The following AHNAK variants were observed in gnomAD, a reference collection of about 807,000 sequenced individuals.
AHNAK encodes the protein neuroblast differentiation-associated protein AHNAK.
AHNAK carries 23 observed loss-of-function variants against 37.8 expected under a neutral mutation model. The ratio of observed to expected loss-of-function variants is 0.61; its 90% confidence interval spans 0.44 to 0.86. AHNAK has a LOEUF of 0.86. Among genes scored for constraint, AHNAK ranks in the 40% least tolerant of loss-of-function variants. AHNAK has a pLI of 0.00. For synonymous variants in AHNAK, 2,481 were observed against 2,636.3 expected (o/e 0.94, Z 1.80); for missense variants, 7,411 against 7,319.4 (o/e 1.01, Z -0.46).
At position 62,491,802 on chromosome 11, in the gene AHNAK, G is replaced by T; in HGVS notation, c.372C>A (p.Cys124Ter). The change falls in exon 5 of 6, where the codon TGC becomes TGA. Residue 124 changes from cysteine to a stop codon, truncating the protein, a stop_gained. Transcript: ENST00000257247. LOFTEE classifies it high-confidence loss of function. ...CTTCCTTCTGTTTGTTCTGGTCTTT[G>T]CATTCCAGTGCTGATGGCTGTGGTG... is the stretch of plus-strand genomic sequence containing the variant. 1 of 1,612,750 alleles carries T rather than the reference G, an allele frequency of 6.2e-7. No individual in the cohort carries two copies. Among genetic ancestry groups the T allele is most frequent in the African/African-American group, 1.3e-5 (1 of 75,008 alleles).
At position 62,530,180 on chromosome 11, in the gene AHNAK, C is replaced by T. The variant is rs1230133479; in HGVS notation, c.4237G>A (p.Val1413Ile). 1.9e-6 allele frequency: 3 copies of T among 1,613,714 alleles called. No individual in the cohort carries two copies. The Admixed American group carries it at 5.0e-5, about 27-fold the overall frequency. Residue 1413 changes from valine (V) to isoleucine (I), a missense_variant, in exon 5 of 5, where the codon GTC becomes ATC. Physicochemically the swap from Val to Ile is conservative, Grantham distance 29. Coordinates refer to ENST00000378024, the MANE Select transcript of AHNAK (RefSeq NM_001620.3). ...TCAGCATCCATTTTGGGTCCTGAGA[C>T]ATCAACGTCAGCTTTGGGCAGCTTC... ...DVKLPKADVD[V>I]SGPKMDAEVP...
rs756302291 is a variant in AHNAK at position 62,519,472 on chromosome 11, A to G, written c.14945T>C (p.Phe4982Ser). 1.2e-6 allele frequency: 2 copies of G among 1,612,832 alleles called. No homozygotes were observed. The change falls in exon 5 of 5, where the codon TTT (phenylalanine) becomes TCT (serine). Residue 4982 changes from phenylalanine (F) to serine (S), a missense_variant. Coordinates refer to ENST00000378024, the MANE Select transcript of AHNAK (RefSeq NM_001620.3). ...GTCAGCTTTGGGGCTTTTTGCCCCAAATCCAAACTTGGGTTTCTTAAATTT... is the reference window on the plus strand; with the variant it reads ...GTCAGCTTTGGGGCTTTTTGCCCCAGATCCAAACTTGGGTTTCTTAAATTT... Reference protein sequence around the residue: ...IPKFKKPKFGFGAKSPKADIK... With the variant: ...IPKFKKPKFGSGAKSPKADIK...
At chr11:62,479,077 CAG>C (rs1939207804) in intron 5 of AHNAK, among the ~76,000 whole-genome samples, 2 of 152,042 alleles carry the variant, frequency 1.3e-5, no homozygotes, top group South Asian at 4.1e-4. Context: ...GTTAAGATGA[CAG>C]AGTCTGTCTA....
chr11:62,461,500 C>G (rs1394488785), intron 5 of AHNAK, among the ~76,000 whole-genome samples: 1 of 152,132 alleles, frequency 6.6e-6, no homozygotes, highest in Non-Finnish European at 1.5e-5. Context: ...ATCTAGAGAT[C>G]ATAAAACATT....
chr11:62,472,476 C>A (rs1419250061), intron 5 of AHNAK, among the ~76,000 whole-genome samples: 1 of 152,048 alleles, frequency 6.6e-6, no homozygotes, highest in East Asian at 1.9e-4. Flanking sequence ...CAGAAACCAC[C>A]CCAATCCCAA....
chr11:62,522,203 C>T lies in AHNAK; in HGVS notation c.12214G>A (p.Gly4072Arg). 1 of 1,613,372 alleles carries T rather than the reference C, an allele frequency of 6.2e-7. No homozygotes were observed. The highest frequency in any genetic ancestry group is 8.5e-7 in the Non-Finnish European group (1 of 1,179,904). ...KVKMPKFSMP[G>R]FKGEGPEVDV... ...ACTTCTGGGCCCTCTCCTTTAAATC[C>T]TGGCATGCTGAATTTGGGCATTTTC... The change falls in exon 5 of 5, where the codon GGA becomes AGA. Residue 4072 changes from glycine (G) to arginine (R), a missense_variant. Gly to Arg is a moderately radical substitution (Grantham distance 125). Coordinates refer to ENST00000378024, the MANE Select transcript of AHNAK (RefSeq NM_001620.3).
rs1424316524 is a variant in AHNAK at position 62,450,135 on chromosome 11, TTTTA to T, written c.443-16248_443-16245del. ...TATTTTATTTTATTATTTTATTTTA[TTTTA>T]TTTATTTTATTTATTTACTTTATTT... On this transcript the variant is annotated intron_variant, in intron 5 of 5. Transcript: ENST00000257247. Among the ~76,000 whole-genome samples the T allele has an allele frequency of 9.8e-4, 72 of 73,260 alleles. 1 individual carries two copies. The highest frequency in any genetic ancestry group is 1.6e-3 in the East Asian group (1 of 624). 48.1% of individuals were successfully genotyped at this position (73,260 alleles called of 152,430 possible).
At chr11:62,498,397 A>G (rs968905282) in intron 4 of AHNAK, among the ~76,000 whole-genome samples, 1 of 148,256 alleles carries the variant, frequency 6.7e-6, no homozygotes, top group Non-Finnish European at 1.5e-5. Flanking sequence ...TACTAAGATT[A>G]CACTAAATGT....
chr11:62,503,303 A>C (rs1939746919), intron 4 of AHNAK, among the ~76,000 whole-genome samples: 1 of 152,246 alleles, frequency 6.6e-6, no homozygotes, highest in Non-Finnish European at 1.5e-5. Context: ...AAACAACGAA[A>C]GTGGGCTGGG....
At chr11:62,440,085 C>T (rs1938270651) in intron 5 of AHNAK, among the ~76,000 whole-genome samples, 4 of 152,190 alleles carry the variant, frequency 2.6e-5, no homozygotes. Flanking sequence ...GGCCATCCTG[C>T]GTGTGGCCTG....
In AHNAK at chr11:62,533,917, C is replaced by T. The variant is rs776614142; in HGVS notation, c.500G>A (p.Arg167Gln). 14 of 1,614,034 alleles carry T rather than the reference C, an allele frequency of 8.7e-6. No homozygotes were observed. Among genetic ancestry groups the T allele is most frequent in the South Asian group, 2.2e-5 (2 of 91,086 alleles). The change falls in exon 5 of 5, where the codon CGG (arginine) becomes CAG (glutamine). Residue 167 changes from arginine (R) to glutamine (Q), a missense_variant. Coordinates refer to ENST00000378024, the MANE Select transcript of AHNAK (RefSeq NM_001620.3). ...GATGTCTATGTCCTTGGCTCCTTCCCGGCCAGTCACATCCACAGTGTAGGC... is the reference window on the plus strand; with the variant it reads ...GATGTCTATGTCCTTGGCTCCTTCCTGGCCAGTCACATCCACAGTGTAGGC... ...VTAYTVDVTG[R>Q]EGAKDIDISS...
chr11:62,436,412 T>C (rs928747596), intron 5 of AHNAK, among the ~76,000 whole-genome samples: 5 of 152,070 alleles, frequency 3.3e-5, no homozygotes, highest in Non-Finnish European at 7.4e-5. Context: ...GGCATTCAAG[T>C]CTAACTCCCA....
intron 5 of AHNAK, among the ~76,000 whole-genome samples, chr11:62,455,358 G>C (rs563143929): frequency 6.6e-6 from 1 of 152,070 alleles, no homozygotes; most frequent in Non-Finnish European, 1.5e-5. Context: ...GACTGGCAGC[G>C]CAGTGCTGGC....
chr11:62,476,313 T>A (rs757181079), intron 5 of AHNAK, among the ~76,000 whole-genome samples: 5 of 152,170 alleles, frequency 3.3e-5, no homozygotes, highest in Non-Finnish European at 7.3e-5. Context: ...CACTTGAACC[T>A]GGCAGGCAGA....
At chr11:62,512,929 A>AAGGGAGGG (rs1396120531), downstream of AHNAK, among the ~76,000 whole-genome samples, 1 of 150,242 alleles carries the variant, frequency 6.7e-6, no homozygotes, top group Non-Finnish European at 1.5e-5. The surrounding 1 kb of genome is among the most constrained non-coding windows in gnomAD (Gnocchi z 4.0). Context: ...GGAAGGAAGG[A>AAGGGAGGG]AGGGAGGGAG....
In AHNAK at chr11:62,531,944, A is replaced by C. The variant is rs1176899188; in HGVS notation, c.2473T>G (p.Leu825Val). The C allele has an allele frequency of 7.4e-6, 12 of 1,613,904 alleles. No individual in the cohort carries two copies. Among genetic ancestry groups the C allele is most frequent in the Non-Finnish European group, 8.5e-6 (10 of 1,180,014 alleles). Reference sequence around the variant, plus strand: ...TTTACGTTAGGGCCTTTCAGATGTAAGTCCACATCAGGCATGGAGATCTTG... The same window carrying C: ...TTTACGTTAGGGCCTTTCAGATGTACGTCCACATCAGGCATGGAGATCTTG... The part of the protein sequence containing the change: ...VPKISMPDVD[L>V]HLKGPNVKGE... The change falls in exon 5 of 5, where the codon TTA (leucine) becomes GTA (valine). Residue 825 changes from leucine (L) to valine (V), a missense_variant. Coordinates refer to ENST00000378024, the MANE Select transcript of AHNAK (RefSeq NM_001620.3).
intron 5 of AHNAK, among the ~76,000 whole-genome samples, chr11:62,439,287 G>T (rs887528877): frequency 4.6e-5 from 7 of 151,752 alleles, no homozygotes; most frequent in African/African-American, 1.7e-4. Context: ...TAGTAGACAC[G>T]GGGTTTCGCT....
At position 62,516,761 on chromosome 11, in the gene AHNAK, A is replaced by G; in HGVS notation, c.17656T>C (p.Ser5886Pro). 2 of 1,611,510 alleles carry G rather than the reference A, an allele frequency of 1.2e-6. No homozygotes were observed. Among genetic ancestry groups the G allele is most frequent in the Non-Finnish European group, 1.7e-6 (2 of 1,178,950 alleles). ...IQLPEVELSV[S>P]TKKE ...AAGGCCTGCTACTCTTTCTTTGTGG[A>G]AACTGACAGCTCCACCTCGGGAAGC... is the stretch of plus-strand genomic sequence containing the variant. The change falls in exon 5 of 5, where the codon TCC becomes CCC. Residue 5886 changes from serine (S) to proline (P), a missense_variant. By Grantham distance (74) the Ser-to-Pro change is moderately conservative. Coordinates refer to ENST00000378024, the MANE Select transcript of AHNAK (RefSeq NM_001620.3).
chr11:62,537,961 C>G (rs1404886410), intron 1 of AHNAK, among the ~76,000 whole-genome samples: 1 of 152,014 alleles, frequency 6.6e-6, no homozygotes, highest in East Asian at 1.9e-4. Context: ...GGATTACGGG[C>G]GTGACCACCG....
Sources: allele counts gnomAD v4.1 joint callset (sites outside exome capture counted in the v4.1 genomes callset), GRCh38; gene constraint gnomAD v4.1.1; non-coding constraint Gnocchi (gnomAD v3.1); transcripts MANE v1.5; gene names NCBI Gene and HGNC (gene_info 2026-07-23, HGNC 2026-07-21).